FARS2: variants seen among roughly 807,000 people sequenced by gnomAD.
The protein encoded by FARS2 is phenylalanine--tRNA ligase, mitochondrial.
Under a neutral mutation model 46.4 loss-of-function variants are expected in FARS2, and 40 were observed. The ratio of observed to expected loss-of-function variants is 0.86; its 90% CI spans 0.67 to 1.12. FARS2 has a LOEUF of 1.12. Among genes scored for constraint, FARS2 ranks in the 50% most tolerant of loss-of-function variants. FARS2 has a pLI of 0.00. For missense variants in FARS2, 513 were observed against 567.9 expected (o/e 0.90, Z 0.98); for synonymous variants, 234 against 214.9 (o/e 1.09, Z -0.78).
At chr6:5,436,922 T>C (rs536053999) in intron 4 of FARS2, among the ~76,000 whole-genome samples, 44 of 152,330 alleles carry the variant, frequency 2.9e-4, no homozygotes, top group African/African-American at 1.0e-3. Context: ...ATAATTGAAG[T>C]GTAATGAACT....
chr6:5,632,598 G>T (rs7743548), intron 6 of FARS2, among the ~76,000 whole-genome samples: 7 of 131,138 alleles, frequency 5.3e-5, no homozygotes, highest in African/African-American at 8.6e-5. Flanking sequence ...CCCCCTTCCC[G>T]CTTCTTCCTT....
intron 4 of FARS2, among the ~76,000 whole-genome samples, chr6:5,438,507 C>CT (rs924376798): frequency 3.8e-4 from 57 of 149,968 alleles, no homozygotes; most frequent in African/African-American, 6.6e-4. Flanking sequence ...TATTTCAGTG[C>CT]TTTTTTTTTG....
At chr6:5,487,882 T>G (rs1345480501) in intron 4 of FARS2, among the ~76,000 whole-genome samples, 1 of 97,862 alleles carries the variant, frequency 1.0e-5, no homozygotes. Flanking sequence ...ACATGCTCCA[T>G]GTGTGTGGCA....
chr6:5,428,515 A>G (rs1270995402), intron 3 of FARS2, among the ~76,000 whole-genome samples: 1 of 152,226 alleles, frequency 6.6e-6, no homozygotes, highest in Non-Finnish European at 1.5e-5. Context: ...ATATTGTTCC[A>G]AACTGTTGTC....
intron 3 of FARS2, among the ~76,000 whole-genome samples, chr6:5,408,846 G>T (rs555478196): frequency 6.6e-6 from 1 of 152,168 alleles, no homozygotes; most frequent in African/African-American, 2.4e-5. Context: ...CTGTGTACCA[G>T]ACTGTGGCAC....
chr6:5,452,085 C>T (rs1022514973), intron 4 of FARS2: 4 of 152,178 alleles, frequency 2.6e-5, no homozygotes, highest in Admixed American at 6.5e-5. Flanking sequence ...ACTGAAGAAA[C>T]GGTAAGTCCG....
intron 1 of FARS2, among the ~76,000 whole-genome samples, chr6:5,299,280 T>C: frequency 6.6e-6 from 1 of 152,216 alleles, no homozygotes; most frequent in East Asian, 1.9e-4. Context: ...AACATAGTTA[T>C]AATGCTTCCT....
intron 6 of FARS2, among the ~76,000 whole-genome samples, chr6:5,741,650 T>C (rs952732461): frequency 6.6e-5 from 10 of 152,190 alleles, no homozygotes; most frequent in Non-Finnish European, 1.0e-4. Flanking sequence ...TTTTGTTTTT[T>C]CCTGTTGTTT....
At chr6:5,487,463 A>C (rs1482312914) in intron 4 of FARS2, among the ~76,000 whole-genome samples, 1 of 152,240 alleles carries the variant, frequency 6.6e-6, no homozygotes, top group Non-Finnish European at 1.5e-5. Context: ...GGTCAAAAAC[A>C]TACCTCAATG....
At chr6:5,398,705 G>A (rs1387693855) in intron 2 of FARS2, among the ~76,000 whole-genome samples, 1 of 152,110 alleles carries the variant, frequency 6.6e-6, no homozygotes, top group Non-Finnish European at 1.5e-5. Context: ...CCGTATTGAT[G>A]TATCTGCATA....
At chr6:5,680,232 C>A (rs2150831435) in intron 6 of FARS2, among the ~76,000 whole-genome samples, 1 of 152,280 alleles carries the variant, frequency 6.6e-6, no homozygotes, top group African/African-American at 2.4e-5. Context: ...CAAAGTTGTA[C>A]TTCAGTGAAG....
At position 5,425,680 on chromosome 6, in the gene FARS2, C is replaced by A. The variant is rs140125300; in HGVS notation, c.773-5361C>A. Among the ~76,000 whole-genome samples the A allele has an allele frequency of 3.1e-3, 467 of 152,310 alleles. 4 individuals carry two copies. The highest frequency in any genetic ancestry group is 0.011 in the African/African-American group (453 of 41,560). On this transcript the variant is annotated intron_variant, in intron 3 of 6. Coordinates refer to ENST00000274680, the MANE Select transcript of FARS2 (RefSeq NM_006567.5). Reference sequence around the variant, plus strand: ...AGACAGGCTTAGAATTCTTGCTATACCTCTTCCATTTGGGCTCATGTCACT... The same window carrying A: ...AGACAGGCTTAGAATTCTTGCTATAACTCTTCCATTTGGGCTCATGTCACT...
intron 3 of FARS2, among the ~76,000 whole-genome samples, chr6:5,417,553 C>G (rs1019926341): frequency 6.6e-6 from 1 of 152,106 alleles, no homozygotes; most frequent in Non-Finnish European, 1.5e-5. Flanking sequence ...AGGTGATATT[C>G]CTAGATCTCT....
At chr6:5,737,553 G>T (rs752878008) in intron 6 of FARS2, among the ~76,000 whole-genome samples, 1 of 152,184 alleles carries the variant, frequency 6.6e-6, no homozygotes. Context: ...GATCCTATGG[G>T]AAGGGAAGTG....
intron 6 of FARS2, among the ~76,000 whole-genome samples, chr6:5,650,834 G>A (rs1460154219): frequency 1.3e-5 from 2 of 152,158 alleles, no homozygotes; most frequent in Admixed American, 1.3e-4. Context: ...ACGTTTCCCT[G>A]GAGAGGGAGT....
At chr6:5,543,422 T>G (rs916369999) in intron 4 of FARS2, among the ~76,000 whole-genome samples, 1 of 149,756 alleles carries the variant, frequency 6.7e-6, no homozygotes, top group Non-Finnish European at 1.5e-5. Flanking sequence ...TGGAGTGCCA[T>G]GGCACAATTT....
chr6:5,496,015 T>C (rs891095079), intron 4 of FARS2, among the ~76,000 whole-genome samples: 12 of 152,206 alleles, frequency 7.9e-5, no homozygotes, highest in Admixed American at 7.2e-4. Flanking sequence ...CTCAAATTAC[T>C]ATGACCTGCT....
chr6:5,606,841 C>T (rs903099949), intron 5 of FARS2, among the ~76,000 whole-genome samples: 4 of 152,080 alleles, frequency 2.6e-5, no homozygotes, highest in African/African-American at 9.7e-5. Context: ...TGTCCATTTG[C>T]GTGTGTTTGT....
intron 4 of FARS2, among the ~76,000 whole-genome samples, chr6:5,537,994 C>CATGGG (rs1311481945): frequency 3.3e-5 from 5 of 152,032 alleles, no homozygotes; most frequent in Non-Finnish European, 5.9e-5. Context: ...AATGTTCTTG[C>CATGGG]ATGGGATGCT....
Sources: allele counts gnomAD v4.1 joint callset (sites outside exome capture counted in the v4.1 genomes callset), GRCh38; gene constraint gnomAD v4.1.1; transcripts MANE v1.5; gene names NCBI Gene and HGNC (gene_info 2026-07-23, HGNC 2026-07-21).